The following RNF31 variants were observed in gnomAD, a reference collection of about 807,000 sequenced individuals.
The protein encoded by RNF31 is ring finger protein 31, also known as E3 ubiquitin-protein ligase RNF31.
A neutral mutation model predicts 133.6 loss-of-function variants in RNF31; 38 were observed. That is an observed-to-expected ratio of 0.28 (90% CI 0.22 to 0.37). RNF31 has a LOEUF of 0.37. Ranked by LOEUF, RNF31 falls within the 10% of genes least tolerant of loss-of-function variation. RNF31 has a pLI of 1.00. For synonymous variants in RNF31, 582 were observed against 552.3 expected, an observed-to-expected ratio of 1.05 and a Z score of -0.75; for missense variants, 1,118 against 1,394.1, an observed-to-expected ratio of 0.80 and a Z score of 3.15.
Position 24,150,850 on chromosome 14 carries a change from A to G in RNF31, c.1450A>G (p.Met484Val). Residue 484 changes from methionine (M) to valine (V), a missense_variant, in exon 8 of 21, where the codon ATG (methionine) becomes GTG (valine). Physicochemically the swap from Met to Val is conservative, Grantham distance 21. Transcript: ENST00000324103. The stretch of plus-strand genomic sequence containing the variant: ...TCCTGAGAAGCAGCGCCAAGACAAG[A>G]TGCGGGAAGAAGGCCTCCAGCTAGT... ...GDPEKQRQDK[M>V]REEGLQLVSM... 2 of 1,570,160 alleles carry G rather than the reference A, an allele frequency of 1.3e-6. No homozygotes were observed. The highest frequency in any genetic ancestry group is 2.4e-5 in the South Asian group (2 of 84,256).
rs2038325715 is a variant in RNF31, at chr14:24,155,317, C to T, written c.2291C>T (p.Thr764Ile). ...DDTQLLSYFS[T>I]LDIQLRESLE... is the part of the protein sequence containing the mutation. ...ACACAGTTGCTCAGCTACTTCTCTA[C>T]CCTTGACATCCAGGTACTGCAGCCC... The change falls in exon 12 of 21, where the codon ACC (threonine) becomes ATC (isoleucine). Residue 764 changes from threonine to isoleucine, a missense_variant. Physicochemically the swap from Thr to Ile is moderately conservative, Grantham distance 89 (BLOSUM62 -1). Around this residue, in one of 3 missense-constraint regions of RNF31, gnomAD observed 201 missense variants for 371.7 expected, o/e 0.54. Transcript: ENST00000324103. This position sits in a 1 kb window ranked among gnomAD's most constrained non-coding sequence, Gnocchi z 4.9. 2 of 1,614,224 alleles carry T rather than the reference C, an allele frequency of 1.2e-6. No individual in the cohort carries two copies. The highest frequency in any genetic ancestry group is 1.1e-5 in the South Asian group (1 of 91,084).
Position 24,151,637 on chromosome 14 carries a change from G to A in RNF31, c.1890G>A (p.Glu630=), listed in dbSNP as rs1365093882. 1.9e-6 allele frequency: 3 copies of A among 1,612,466 alleles called. No individual in the cohort carries two copies. The highest frequency in any genetic ancestry group is 2.2e-5 in the East Asian group (1 of 44,884). ...AGCGCCTCTGGGACAGTGGCCCTGAGCCCACCCCTTCCTGGGATGGGCCAG... is the reference window on the plus strand; with the variant it reads ...AGCGCCTCTGGGACAGTGGCCCTGAACCCACCCCTTCCTGGGATGGGCCAG... ...FRQRLWDSGP[E]PTPSWDGPDK... The change falls in exon 10 of 21, where the codon GAG becomes GAA. Residue 630 remains glutamate, a synonymous_variant. Coordinates refer to ENST00000324103, the MANE Select transcript of RNF31 (RefSeq NM_017999.5). The surrounding 1 kb of genome is among the most constrained non-coding windows in gnomAD (Gnocchi z 5.3).
intron 18 of RNF31, among the ~76,000 whole-genome samples, chr14:24,159,584 C>CAAAAAAAAAAAAAAAAAAAAAAAACA (rs59295225): frequency 3.7e-5 from 3 of 82,172 alleles, no homozygotes; most frequent in South Asian, 4.0e-4. Context: ...AAATAACAAC[C>CAAAAAAAAAAAAAAAAAAAAAAAACA]AAAAAAAAAA....
intron 11 of RNF31, among the ~76,000 whole-genome samples, chr14:24,154,326 T>A (rs1376168037): frequency 6.6e-6 from 1 of 152,152 alleles, no homozygotes; most frequent in Non-Finnish European, 1.5e-5. Flanking sequence ...CTTGGCTAAT[T>A]TTGTATTTTT....
At position 24,155,391 on chromosome 14, in the gene RNF31, C is replaced by A; in HGVS notation, c.2305-23C>A. 1 of 1,613,926 alleles carries A rather than the reference C, an allele frequency of 6.2e-7. No individual in the cohort carries two copies. The highest frequency in any genetic ancestry group is 8.5e-7 in the Non-Finnish European group (1 of 1,179,798). On this transcript the variant is annotated intron_variant, in intron 12 of 20. Coordinates refer to ENST00000324103, the MANE Select transcript of RNF31 (RefSeq NM_017999.5). The surrounding 1 kb of genome is among the most constrained non-coding windows in gnomAD (Gnocchi z 4.9). ...CTTTGAACAGGGACCCTCCCACCCA[C>A]CACCTCTGCATCCTGTCCCCAGCTT... is the stretch of plus-strand genomic sequence containing the variant.
Position 24,158,119 on chromosome 14 carries a change from AC to A in RNF31, c.2842-20del. Reference sequence around the variant, plus strand: ...GACTTGGCATCAAGGGGAATGTAACACCCATCTGTCTCTCCTCCTCAGGACA... The same window carrying A: ...GACTTGGCATCAAGGGGAATGTAACACCATCTGTCTCTCCTCCTCAGGACA... On this transcript the variant is annotated intron_variant, in intron 17 of 20. Coordinates refer to ENST00000324103, the MANE Select transcript of RNF31 (RefSeq NM_017999.5). 3 of 1,614,028 alleles carry A rather than the reference AC, an allele frequency of 1.9e-6. 1 individual carries two copies. In the South Asian group the frequency reaches 3.3e-5, roughly 18 times the overall value.
chr14:24,159,290 T>C (rs1003486635), intron 18 of RNF31, among the ~76,000 whole-genome samples: 1 of 141,880 alleles, frequency 7.0e-6, no homozygotes, highest in Admixed American at 7.5e-5. Context: ...GAGATTGCAG[T>C]GAGCCAAGAT....
chr14:24,146,906 G>A, upstream of RNF31: 1 of 459,130 alleles, frequency 2.2e-6, no homozygotes, highest in Non-Finnish European at 4.0e-6. Context: ...TCCAGGGTTG[G>A]GGTAAGAGAG....
chr14:24,151,444 G>C lies in RNF31; in HGVS notation c.1738-41G>C. 6.2e-7 allele frequency: 1 copy of C among 1,613,280 alleles called. No homozygotes were observed. The highest frequency in any genetic ancestry group is 8.5e-7 in the Non-Finnish European group (1 of 1,179,302). On this transcript the variant is annotated intron_variant, in intron 9 of 20. Transcript: ENST00000324103. This position sits in a 1 kb window ranked among gnomAD's most constrained non-coding sequence, Gnocchi z 5.3. ...GCATCTCTCACACTCTCCCTTGCTT[G>C]CTTTCCCACTTCATTCCCCCTTGCC...
chr14:24,153,594 TA>T (rs1031977308), intron 11 of RNF31, among the ~76,000 whole-genome samples: 2 of 148,768 alleles, frequency 1.3e-5, no homozygotes, highest in African/African-American at 2.5e-5. Context: ...AAACTTAAAT[TA>T]AAAAAAATAA....
intron 11 of RNF31, 66 bp downstream of exon 11, chr14:24,152,058 C>T: frequency 6.8e-7 from 1 of 1,466,218 alleles, no homozygotes; most frequent in Non-Finnish European, 9.3e-7. Context: ...CATCCTACCC[C>T]AGTCTCCATC....
Position 24,155,171 on chromosome 14 carries a change from T to G in RNF31, c.2145T>G (p.Thr715=). 1 of 1,614,070 alleles carries G rather than the reference T, an allele frequency of 6.2e-7. No individual in the cohort carries two copies. The highest frequency in any genetic ancestry group is 8.5e-7 in the Non-Finnish European group (1 of 1,179,972). ...TCACCCTCCAGATGCAGGCCCTGAC[T>G]TCCTGTGAGTGCACCATCTGTCCTG... ...ALPHNRMQAL[T]SCECTICPDC... The change falls in exon 12 of 21, where the codon ACT becomes ACG. Residue 715 remains threonine (T), a synonymous_variant. Coordinates refer to ENST00000324103, the MANE Select transcript of RNF31 (RefSeq NM_017999.5). This position sits in a 1 kb window ranked among gnomAD's most constrained non-coding sequence, Gnocchi z 4.9.
intron 3 of RNF31, 65 bp downstream of exon 3, chr14:24,148,478 G>GT: frequency 4.3e-6 from 7 of 1,612,410 alleles, no homozygotes; most frequent in Non-Finnish European, 5.9e-6. Flanking sequence ...CCTAACTCAA[G>GT]TAAGTTTGAG....
At position 24,151,414 on chromosome 14, in the gene RNF31, A is replaced by T. The variant is rs761754176; in HGVS notation, c.1737+35A>T. On this transcript the variant is annotated intron_variant, in intron 9 of 20. Coordinates refer to ENST00000324103, the MANE Select transcript of RNF31 (RefSeq NM_017999.5). This position sits in a 1 kb window ranked among gnomAD's most constrained non-coding sequence, Gnocchi z 5.3. Reference sequence around the variant, plus strand: ...GTGCTGGATATGGGATAGGGTCGAGAGTCTGCATCTCTCACACTCTCCCTT... The same window carrying T: ...GTGCTGGATATGGGATAGGGTCGAGTGTCTGCATCTCTCACACTCTCCCTT... The T allele has an allele frequency of 3.1e-6, 5 of 1,613,282 alleles. No homozygotes were observed. Among genetic ancestry groups the T allele is most frequent in the Admixed American group, 1.7e-5 (1 of 59,984 alleles).
intron 16 of RNF31, 45 bp from the exon 17 acceptor site, chr14:24,157,853 C>A (rs993728957): frequency 6.5e-7 from 1 of 1,544,250 alleles, no homozygotes; most frequent in Non-Finnish European, 8.9e-7. Flanking sequence ...AGGCCAGGAC[C>A]CCAACAGTCT....
Position 24,155,387 on chromosome 14 carries a change from CCCA to C in RNF31, c.2305-21_2305-19del, listed in dbSNP as rs749634827. ...TGAGCTTTGAACAGGGACCCTCCCA[CCCA>C]CCACCTCTGCATCCTGTCCCCAGCT... On this transcript the variant is annotated intron_variant, in intron 12 of 20. Coordinates refer to ENST00000324103, the MANE Select transcript of RNF31 (RefSeq NM_017999.5). This position sits in a 1 kb window ranked among gnomAD's most constrained non-coding sequence, Gnocchi z 4.9. 1.2e-6 allele frequency: 2 copies of C among 1,613,896 alleles called. No individual in the cohort carries two copies. Among genetic ancestry groups the C allele is most frequent in the South Asian group, 2.2e-5 (2 of 91,078 alleles).
In RNF31 at chr14:24,158,276, T is replaced by C; in HGVS notation, c.2899+77T>C. 5 of 1,424,766 alleles carry C rather than the reference T, an allele frequency of 3.5e-6. No individual in the cohort carries two copies. In the South Asian group the frequency reaches 4.6e-5, roughly 13 times the overall value. The allele number at this position is 1,424,766 out of a possible 1,614,324, so 88.3% of individuals were successfully genotyped here. A position where few individuals can be genotyped will look rare whatever the true frequency, so the allele number is the denominator to read the frequency against. On this transcript the variant is annotated intron_variant, in intron 18 of 20. Coordinates refer to ENST00000324103, the MANE Select transcript of RNF31 (RefSeq NM_017999.5). Reference sequence around the variant, plus strand: ...ACCGTGTGATGGGTAAAGGGGAGGCTTGGGTCTGGGGTCACTTGTTGCATG... The same window carrying C: ...ACCGTGTGATGGGTAAAGGGGAGGCCTGGGTCTGGGGTCACTTGTTGCATG...
chr14:24,159,238 T>C (rs759572339), intron 18 of RNF31, among the ~76,000 whole-genome samples: 28 of 150,396 alleles, frequency 1.9e-4, no homozygotes, highest in Non-Finnish European at 3.5e-4. Flanking sequence ...TCCCACCTAC[T>C]CGGGTGGCTG....
chr14:24,158,895 T>C (rs1039897279), intron 18 of RNF31, among the ~76,000 whole-genome samples: 23 of 150,832 alleles, frequency 1.5e-4, no homozygotes, highest in Admixed American at 2.6e-4. Flanking sequence ...TAGCCGGGCG[T>C]GGTGGCGGGC....
Sources: gnomAD v4.1 joint callset for allele counts (sites outside exome capture counted in the v4.1 genomes callset) on GRCh38, gnomAD v4.1.1 for gene constraint, gnomAD v4.1.1 regional missense constraint, Gnocchi (gnomAD v3.1) non-coding constraint, MANE v1.5 for transcripts, NCBI Gene and HGNC (gene_info 2026-07-23, HGNC 2026-07-21) for gene names.